The following SSBP2 variants were observed in gnomAD, a reference collection of about 807,000 sequenced individuals.
SSBP2 encodes single-stranded DNA-binding protein 2.
In SSBP2, 17 loss-of-function variants were observed where a neutral mutation model predicts 61.8. The ratio of observed to expected loss-of-function variants is 0.28; its 90% CI spans 0.19 to 0.41. The LOEUF (loss-of-function observed/expected upper bound fraction) is 0.41. Among genes scored for constraint, SSBP2 ranks in the 10% least tolerant of loss-of-function variants. The pLI is 1.00. For missense variants in SSBP2, 310 were observed against 458.7 expected, an observed-to-expected ratio of 0.68 and a Z score of 2.96; for synonymous variants, 139 against 141.3, an observed-to-expected ratio of 0.98 and a Z score of 0.12.
At chr5:81,502,201 T>C (rs1767848568) in intron 5 of SSBP2, among the ~76,000 whole-genome samples, 2 of 152,174 alleles carry the variant, frequency 1.3e-5, no homozygotes, top group African/African-American at 2.4e-5. Context: ...ATGACTTCCT[T>C]GTTGTTAAAT....
intron 4 of SSBP2, among the ~76,000 whole-genome samples, chr5:81,551,096 GAAAAAAA>G (rs35816072): frequency 1.7e-4 from 14 of 80,222 alleles, no homozygotes; most frequent in Middle Eastern, 7.1e-3. Context: ...ACTCCATCTC[GAAAAAAA>G]AAAAAAAAAA....
At chr5:81,622,866 C>G (rs1242516728) in intron 3 of SSBP2, among the ~76,000 whole-genome samples, 4 of 152,118 alleles carry the variant, frequency 2.6e-5, no homozygotes, top group Non-Finnish European at 5.9e-5. Context: ...GTAAGATTAC[C>G]TTCAGCGGGG....
chr5:81,690,137 AC>A (rs1197683817), intron 1 of SSBP2, among the ~76,000 whole-genome samples: 1 of 152,154 alleles, frequency 6.6e-6, no homozygotes, highest in Non-Finnish European at 1.5e-5. Flanking sequence ...AAAACATAAT[AC>A]CAGAGAAAAT....
Position 81,720,621 on chromosome 5 carries a change from C to T in SSBP2, c.62+30360G>A, listed in dbSNP as rs551628311. On this transcript the variant is annotated intron_variant, in intron 1 of 16. Coordinates refer to ENST00000320672, the MANE Select transcript of SSBP2 (RefSeq NM_012446.5). ...TCACTAGTGTTTATCACCTTATAGA[C>T]GAAAAGCAAGGAAGCTGACTAGATA... Among the ~76,000 whole-genome samples the T allele has an allele frequency of 2.0e-4, 30 of 152,272 alleles. No homozygotes were observed. The Middle Eastern group carries it at 0.01, about 52-fold the overall frequency.
chr5:81,434,633 CA>C (rs34269591), intron 15 of SSBP2, among the ~76,000 whole-genome samples: 2,214 of 42,968 alleles, frequency 0.052, 5 homozygotes, highest in Non-Finnish European at 0.071. Flanking sequence ...ACTCTTGACT[CA>C]AAAAAAAAAA....
At chr5:81,559,032 G>A (rs1481020885) in intron 4 of SSBP2, among the ~76,000 whole-genome samples, 2 of 152,178 alleles carry the variant, frequency 1.3e-5, no homozygotes, top group African/African-American at 4.8e-5. Context: ...AAGGTAGGTG[G>A]ATCACGAGGT....
At chr5:81,494,774 A>G (rs542588706) in intron 5 of SSBP2, among the ~76,000 whole-genome samples, 2 of 152,182 alleles carry the variant, frequency 1.3e-5, no homozygotes, top group Non-Finnish European at 2.9e-5. Flanking sequence ...AGAAGAAATA[A>G]AAGTATATAC....
At chr5:81,630,382 G>T (rs528009789) in intron 3 of SSBP2, among the ~76,000 whole-genome samples, 278 of 152,164 alleles carry the variant, frequency 1.8e-3, no homozygotes, top group Non-Finnish European at 3.1e-3. Flanking sequence ...TTAAGATCTG[G>T]GCATTTTTCT....
chr5:81,563,671 T>C (rs561016111), intron 4 of SSBP2, among the ~76,000 whole-genome samples: 2 of 152,150 alleles, frequency 1.3e-5, no homozygotes, highest in African/African-American at 4.8e-5. Context: ...AAGAGTCTTC[T>C]ATAAATAGTG....
intron 1 of SSBP2, among the ~76,000 whole-genome samples, chr5:81,750,257 G>A (rs1418277295): frequency 6.7e-5 from 2 of 29,982 alleles, no homozygotes; most frequent in African/African-American, 1.3e-4. Context: ...CCCCGCCCCA[G>A]CCCCAGCCCC....
chr5:81,499,735 C>A (rs888051568), intron 5 of SSBP2, among the ~76,000 whole-genome samples: 1 of 152,204 alleles, frequency 6.6e-6, no homozygotes, highest in Admixed American at 6.5e-5. Flanking sequence ...CTGACTTAAT[C>A]AAAAAGATGC....
At chr5:81,524,264 C>T (rs1040764463) in intron 4 of SSBP2, among the ~76,000 whole-genome samples, 59 of 151,978 alleles carry the variant, frequency 3.9e-4, no homozygotes, top group Non-Finnish European at 3.5e-4. Flanking sequence ...CCTACAACTA[C>T]AAGAAACTGA....
intron 1 of SSBP2, among the ~76,000 whole-genome samples, chr5:81,704,751 A>C (rs1333248032): frequency 7.2e-6 from 1 of 139,676 alleles, no homozygotes; most frequent in East Asian, 2.1e-4. Flanking sequence ...AGCCGAGATC[A>C]CACCACTACA....
chr5:81,474,467 C>T lies in SSBP2; in HGVS notation c.499+29G>A, dbSNP rs1188162393. ...AGATTTCCTCTATGGTTCTGCACAT[C>T]AATTTTCCTTTTACTTTAGAGTAGT... On this transcript the variant is annotated intron_variant, in intron 7 of 16. Transcript: ENST00000320672. The T allele has an allele frequency of 3.8e-6, 6 of 1,598,382 alleles. No individual in the cohort carries two copies. In the South Asian group the frequency reaches 6.6e-5, roughly 18 times the overall value.
chr5:81,539,462 G>T (rs1215897200), intron 4 of SSBP2, among the ~76,000 whole-genome samples: 1 of 152,152 alleles, frequency 6.6e-6, no homozygotes, highest in Non-Finnish European at 1.5e-5. Flanking sequence ...ATAAAGCAGC[G>T]GCAAGGTTTA....
Position 81,536,342 on chromosome 5 carries a change from G to A in SSBP2, c.283-22625C>T, listed in dbSNP as rs1770797692. On this transcript the variant is annotated intron_variant, in intron 4 of 16. Coordinates refer to ENST00000320672, the MANE Select transcript of SSBP2 (RefSeq NM_012446.5). ...TTTTTTAACTTTTATTTTAAGCTCA[G>A]GGGTACACATACAGGTTTGTTAGAT... Among the ~76,000 whole-genome samples, 4 of 152,150 alleles carry A rather than the reference G, an allele frequency of 2.6e-5. No homozygotes were observed. In the South Asian group the frequency reaches 8.3e-4, roughly 32 times the overall value.
At chr5:81,588,376 A>G (rs1775237985) in intron 4 of SSBP2, among the ~76,000 whole-genome samples, 1 of 152,182 alleles carries the variant, frequency 6.6e-6, no homozygotes, top group Non-Finnish European at 1.5e-5. Context: ...CTCAGAAAGT[A>G]ACTTACCCAA....
intron 10 of SSBP2, among the ~76,000 whole-genome samples, chr5:81,449,210 A>C (rs1561412906): frequency 2.0e-5 from 3 of 152,256 alleles, no homozygotes; most frequent in Admixed American, 6.5e-5. Context: ...TAAGCTATGC[A>C]AAAAAAGTTT....
At chr5:81,437,406 C>T in intron 15 of SSBP2, 24 bp downstream of exon 15, 1 of 1,589,312 alleles carries the variant, frequency 6.3e-7, no homozygotes, top group South Asian at 1.2e-5. Context: ...TGATTAAAAA[C>T]AACACAGAAT....
Sources: gnomAD v4.1 joint callset for allele counts (sites outside exome capture counted in the v4.1 genomes callset) on GRCh38, gnomAD v4.1.1 for gene constraint, MANE v1.5 for transcripts, NCBI Gene and HGNC (gene_info 2026-07-23, HGNC 2026-07-21) for gene names.